Variants in CBLN2 observed in about 807,000 individuals in gnomAD.
CBLN2 encodes the protein cerebellin-2.
Under a neutral mutation model 15.0 loss-of-function variants are expected in CBLN2, and 7 were observed. The ratio of observed to expected loss-of-function variants is 0.47; its 90% CI spans 0.27 to 0.88. The LOEUF is 0.88. Ranked by LOEUF, CBLN2 falls within the 40% of genes least tolerant of loss-of-function variation. The pLI is 0.14. For synonymous variants in CBLN2, 149 were observed against 135.2 expected (o/e 1.10, Z -0.71); for missense variants, 242 against 304.5 (o/e 0.79, Z 1.53).
Position 72,541,835 on chromosome 18 carries a change from C to A in CBLN2, c.326G>T (p.Ser109Ile), listed in dbSNP as rs747197934. 3.1e-6 allele frequency: 5 copies of A among 1,587,560 alleles called. No homozygotes were observed. The highest frequency in any genetic ancestry group is 2.3e-5 in the East Asian group (1 of 42,974). Residue 109 changes from serine (S) to isoleucine (I), a missense_variant, in exon 3 of 5, where the codon AGC becomes ATC. Ser to Ile is a moderately radical substitution (Grantham distance 142). Transcript: ENST00000269503. ...GAAATAGATGGTCATGGTGCGGTTG[C>A]TCATCTCGGACGGCTCGTGGTTGGT... The part of the protein sequence containing the change: ...RSTNHEPSEM[S>I]NRTMTIYFDQ...
In CBLN2 at chr18:72,538,909, G is replaced by C; in HGVS notation, c.358-137C>G. 6 of 1,120,318 alleles carry C rather than the reference G, an allele frequency of 5.4e-6. 1 individual carries two copies. The highest frequency in any genetic ancestry group is 7.5e-6 in the Non-Finnish European group (6 of 798,612). 69.4% of individuals were successfully genotyped at this position (1,120,318 alleles called of 1,614,324 possible). On this transcript the variant is annotated intron_variant, in intron 3 of 4. Transcript: ENST00000269503. The stretch of plus-strand genomic sequence containing the variant: ...CAAATTCAGCATCCTCAGCATTCTG[G>C]CTTCCCCAGGAAGGAGGCAGTGCTG...
chr18:72,632,764 G>T (rs987298652), intron 1 of CBLN2, among the ~76,000 whole-genome samples: 3 of 152,154 alleles, frequency 2.0e-5, no homozygotes, highest in Non-Finnish European at 4.4e-5. Flanking sequence ...TCACACTTGT[G>T]ACCACTAGGT....
intron 1 of CBLN2, among the ~76,000 whole-genome samples, chr18:72,558,069 A>T (rs575972628): frequency 6.6e-6 from 1 of 152,292 alleles, no homozygotes; most frequent in Non-Finnish European, 1.5e-5. Context: ...AGTCATACAG[A>T]GGTGAACACC....
intron 1 of CBLN2, chr18:72,619,187 T>A: frequency 1.2e-6 from 1 of 819,600 alleles, no homozygotes; most frequent in Non-Finnish European, 2.0e-6. Flanking sequence ...GTGGTTCCAG[T>A]AGCAGCAGTA....
intron 1 of CBLN2, among the ~76,000 whole-genome samples, chr18:72,599,840 G>A (rs1344590296): frequency 1.3e-5 from 2 of 152,210 alleles, no homozygotes; most frequent in East Asian, 1.9e-4. Flanking sequence ...TGATAAGAGA[G>A]CCCGTGAAAC....
chr18:72,586,605 G>T (rs1384976287), intron 1 of CBLN2, among the ~76,000 whole-genome samples: 1 of 152,174 alleles, frequency 6.6e-6, no homozygotes, highest in African/African-American at 2.4e-5. Context: ...TAAGCATTCA[G>T]CTTAAGCCAA....
intron 1 of CBLN2, among the ~76,000 whole-genome samples, chr18:72,557,040 T>C (rs2069231165): frequency 6.6e-6 from 1 of 151,904 alleles, no homozygotes; most frequent in South Asian, 2.1e-4. Flanking sequence ...TCTTCTATCA[T>C]GTCAAGTGCT....
At chr18:72,552,157 G>A (rs1315988317) in intron 1 of CBLN2, among the ~76,000 whole-genome samples, 1 of 151,344 alleles carries the variant, frequency 6.6e-6, no homozygotes, top group Non-Finnish European at 1.5e-5. Context: ...TACGATCTCG[G>A]CTGACTGCAA....
chr18:72,593,632 C>T (rs2069494656), intron 1 of CBLN2, among the ~76,000 whole-genome samples: 1 of 152,110 alleles, frequency 6.6e-6, no homozygotes, highest in South Asian at 2.1e-4. Flanking sequence ...GAGTATGATA[C>T]TAGCTCTTGG....
upstream of CBLN2, among the ~76,000 whole-genome samples, chr18:72,547,792 C>T (rs887283928): frequency 6.6e-6 from 1 of 152,020 alleles, no homozygotes; most frequent in African/African-American, 2.4e-5. Context: ...AAGTGTTCTC[C>T]CGTAGAAATA....
intron 1 of CBLN2, among the ~76,000 whole-genome samples, chr18:72,609,512 C>A (rs1257846079): frequency 6.6e-6 from 1 of 152,056 alleles, no homozygotes; most frequent in Admixed American, 6.6e-5. Context: ...TCCAGAACTG[C>A]AAGAAAAAAC....
intron 1 of CBLN2, among the ~76,000 whole-genome samples, chr18:72,563,772 T>C (rs1437833917): frequency 6.6e-6 from 1 of 152,110 alleles, no homozygotes; most frequent in African/African-American, 2.4e-5. Flanking sequence ...AGCAATTCAC[T>C]GAAAAGGGAG....
chr18:72,559,251 G>T (rs2144891018), intron 1 of CBLN2, among the ~76,000 whole-genome samples: 1 of 152,240 alleles, frequency 6.6e-6, no homozygotes, highest in South Asian at 2.1e-4. Context: ...ATCAGCAGTG[G>T]GGCAGCCACT....
intron 1 of CBLN2, among the ~76,000 whole-genome samples, chr18:72,563,662 A>T (rs766706967): frequency 6.6e-6 from 1 of 152,192 alleles, no homozygotes; most frequent in Non-Finnish European, 1.5e-5. Flanking sequence ...CCACAATTCA[A>T]TAGGCCATTC....
intron 1 of CBLN2, among the ~76,000 whole-genome samples, chr18:72,601,314 AT>A (rs1464047900): frequency 5.3e-5 from 8 of 152,168 alleles, no homozygotes; most frequent in Admixed American, 5.2e-4. Context: ...TACTGTCACA[AT>A]TTTGCAAAGG....
chr18:72,629,015 G>A (rs2069758229), intron 1 of CBLN2, among the ~76,000 whole-genome samples: 1 of 152,138 alleles, frequency 6.6e-6, no homozygotes, highest in Non-Finnish European at 1.5e-5. Context: ...TGGAATCTAT[G>A]ACCTTGACCC....
At chr18:72,552,338 C>T (rs2069196838) in intron 1 of CBLN2, among the ~76,000 whole-genome samples, 1 of 152,074 alleles carries the variant, frequency 6.6e-6, no homozygotes, top group South Asian at 2.1e-4. Context: ...CCTGCCTTGA[C>T]CTCCCAAAAT....
At chr18:72,630,576 G>GAGAGAGAGAGAGAGAGAGAC (rs1323355134) in intron 1 of CBLN2, among the ~76,000 whole-genome samples, 6 of 151,396 alleles carry the variant, frequency 4.0e-5, no homozygotes, top group Non-Finnish European at 7.4e-5. Context: ...GAGAGAGAGA[G>GAGAGAGAGAGAGAGAGAGAC]AGAGAGAGAG....
chr18:72,633,903 T>C (rs1030977270), intron 1 of CBLN2, among the ~76,000 whole-genome samples: 6 of 151,984 alleles, frequency 3.9e-5, no homozygotes, highest in Admixed American at 1.3e-4. Flanking sequence ...TTGATGAGAG[T>C]AAAATAAATA....
Sources: allele counts gnomAD v4.1 joint callset (sites outside exome capture counted in the v4.1 genomes callset), GRCh38; gene constraint gnomAD v4.1.1; transcripts MANE v1.5; gene names NCBI Gene and HGNC (gene_info 2026-07-23, HGNC 2026-07-21).